RERE: variants seen among roughly 807,000 people sequenced by gnomAD.
RERE encodes the protein arginine-glutamic acid dipeptide repeats.
A neutral mutation model predicts 146.1 loss-of-function variants in RERE; 40 were observed. The ratio of observed to expected loss-of-function variants is 0.27; its 90% CI spans 0.21 to 0.36. RERE has a LOEUF of 0.36. RERE is among the 10% of genes least tolerant of loss of function. The pLI is 1.00. For synonymous variants in RERE, 1,003 were observed against 866.0 expected, an observed-to-expected ratio of 1.16 and a Z score of -2.78; for missense variants, 1,933 against 2,138.7, an observed-to-expected ratio of 0.90 and a Z score of 1.90.
chr1:8,671,413 A>G (rs1638714810), intron 1 of RERE, among the ~76,000 whole-genome samples: 1 of 152,206 alleles, frequency 6.6e-6, no homozygotes, highest in Non-Finnish European at 1.5e-5. Context: ...GTTACCAAAT[A>G]CTGCATTTAA....
At chr1:8,378,180 T>C (rs539490298) in intron 12 of RERE, among the ~76,000 whole-genome samples, 1 of 152,322 alleles carries the variant, frequency 6.6e-6, no homozygotes, top group East Asian at 1.9e-4. Flanking sequence ...AAAACACAAG[T>C]ACAGTACCGT....
In RERE at chr1:8,656,341, C is replaced by T; in HGVS notation, c.-44G>A. 1 of 1,572,278 alleles carries T rather than the reference C, an allele frequency of 6.4e-7. No homozygotes were observed. The highest frequency in any genetic ancestry group is 8.6e-7 in the Non-Finnish European group (1 of 1,160,512). On this transcript the variant is annotated 5_prime_UTR_variant, in exon 2 of 23. Transcript: ENST00000400908. ...TTCTGTCCTCTCACGGCTAGGCCTCCGTGAAAGGTAGACAGTAAGCCTGGG... is the reference window on the plus strand; with the variant it reads ...TTCTGTCCTCTCACGGCTAGGCCTCTGTGAAAGGTAGACAGTAAGCCTGGG...
intron 4 of RERE, among the ~76,000 whole-genome samples, chr1:8,575,776 C>T (rs1379796902): frequency 6.6e-6 from 1 of 151,764 alleles, no homozygotes; most frequent in African/African-American, 2.4e-5. Flanking sequence ...ACAGAAGGAA[C>T]CAAAATTGTG....
rs58718828 is a variant in RERE at position 8,668,924 on chromosome 1, C to CTGTGTGTGTGTGTGTGTGTGTGTG, written c.-144-12507_-144-12484dup. ...TGAATATTCTAAAATGCACTAAACT[C>CTGTGTGTGTGTGTGTGTGTGTGTG]TGTGTGTGTGTGTGTGTGTGTGTGT... On this transcript the variant is annotated intron_variant, in intron 1 of 22. Coordinates refer to ENST00000400908, the MANE Select transcript of RERE (RefSeq NM_001042681.2). Among the ~76,000 whole-genome samples the CTGTGTGTGTGTGTGTGTGTGTGTG allele has an allele frequency of 1.1e-4, 9 of 83,500 alleles. 1 individual carries two copies. Among genetic ancestry groups the CTGTGTGTGTGTGTGTGTGTGTGTG allele is most frequent in the Admixed American group, 6.3e-4 (5 of 7,934 alleles). The allele number at this position is 83,500 out of a possible 152,430, so 54.8% of individuals were successfully genotyped here.
At chr1:8,655,493 A>C (rs997831428) in intron 2 of RERE, among the ~76,000 whole-genome samples, 2 of 152,216 alleles carry the variant, frequency 1.3e-5, no homozygotes, top group African/African-American at 4.8e-5. Context: ...GGCGTGAGCC[A>C]CCATGCCTGG....
intron 12 of RERE, among the ~76,000 whole-genome samples, chr1:8,383,865 T>TAAATACAATA (rs1553159375): frequency 2.7e-5 from 4 of 148,436 alleles, no homozygotes; most frequent in Admixed American, 6.7e-5. Flanking sequence ...TCTCAAAAAA[T>TAAATACAATA]AAATAAAATA....
intron 4 of RERE, among the ~76,000 whole-genome samples, chr1:8,578,873 AT>A (rs1283512790): frequency 3.9e-5 from 6 of 152,272 alleles, no homozygotes; most frequent in African/African-American, 9.6e-5. Flanking sequence ...TATATGAAAA[AT>A]AAATACATGT....
intron 11 of RERE, among the ~76,000 whole-genome samples, chr1:8,443,184 T>A (rs1275682733): frequency 6.6e-6 from 1 of 152,154 alleles, no homozygotes; most frequent in African/African-American, 2.4e-5. Flanking sequence ...AGCTTTTGGT[T>A]GGGCGTGGTG....
chr1:8,752,763 T>C (rs1013678162), intron 1 of RERE, among the ~76,000 whole-genome samples: 1 of 152,210 alleles, frequency 6.6e-6, no homozygotes, highest in African/African-American at 2.4e-5. Flanking sequence ...AGACAGTTTG[T>C]GTTGGAAATA....
intron 1 of RERE, among the ~76,000 whole-genome samples, chr1:8,684,659 A>C (rs1639044240): frequency 6.6e-6 from 1 of 152,248 alleles, no homozygotes; most frequent in African/African-American, 2.4e-5. Context: ...ATCAAACCCA[A>C]GCACAATCTG....
At chr1:8,745,829 G>A (rs1640408004) in intron 1 of RERE, among the ~76,000 whole-genome samples, 1 of 152,128 alleles carries the variant, frequency 6.6e-6, no homozygotes, top group East Asian at 1.9e-4. Flanking sequence ...TAGCACTTTG[G>A]GAGGCTGTGG....
chr1:8,591,759 T>A (rs927045719), intron 4 of RERE, among the ~76,000 whole-genome samples: 1 of 152,172 alleles, frequency 6.6e-6, no homozygotes, highest in African/African-American at 2.4e-5. Context: ...AACTGACAGG[T>A]TCCATCACGC....
At position 8,457,360 on chromosome 1, in the gene RERE, T is replaced by C. The variant is rs180957062; in HGVS notation, c.1203+8565A>G. 8.9e-4 allele frequency among the ~76,000 whole-genome samples: 136 copies of C among 152,258 alleles called. 1 individual carries two copies. Among genetic ancestry groups the C allele is most frequent in the African/African-American group, 3.2e-3 (132 of 41,538 alleles). ...AGCTCAGTACTTTGCCTCATAAATG[T>C]GGAAAACACACTAGAATTCACCTAT... On this transcript the variant is annotated intron_variant, in intron 11 of 22. Coordinates refer to ENST00000400908, the MANE Select transcript of RERE (RefSeq NM_001042681.2).
At chr1:8,583,124 C>T (rs1045477273) in intron 4 of RERE, among the ~76,000 whole-genome samples, 6 of 152,146 alleles carry the variant, frequency 3.9e-5, no homozygotes, top group Admixed American at 1.3e-4. Context: ...CAAGTGTCTG[C>T]GGTCCTGGGG....
chr1:8,767,800 T>C (rs1640876579), intron 1 of RERE, among the ~76,000 whole-genome samples: 1 of 151,608 alleles, frequency 6.6e-6, no homozygotes, highest in South Asian at 2.1e-4. Context: ...TCATCTCTAC[T>C]AAAAATAAAA....
chr1:8,597,393 CT>C (rs1253178151), intron 4 of RERE, among the ~76,000 whole-genome samples: 27 of 152,252 alleles, frequency 1.8e-4, no homozygotes, highest in Admixed American at 1.4e-3. Flanking sequence ...TGCCCAGCCC[CT>C]GATGCTAATT....
At chr1:8,531,765 T>G (rs1645657365) in intron 7 of RERE, among the ~76,000 whole-genome samples, 1 of 152,200 alleles carries the variant, frequency 6.6e-6, no homozygotes, top group African/African-American at 2.4e-5. Flanking sequence ...CCCTCCCCAA[T>G]TATTACAGAG....
intron 3 of RERE, among the ~76,000 whole-genome samples, chr1:8,620,604 A>G (rs904286295): frequency 3.7e-4 from 57 of 152,186 alleles, no homozygotes; most frequent in Non-Finnish European, 1.8e-4. Context: ...ATGCCAGGCC[A>G]CAAGGATCAC....
At chr1:8,607,320 A>G (rs1646727809) in intron 4 of RERE, among the ~76,000 whole-genome samples, 1 of 150,480 alleles carries the variant, frequency 6.6e-6, no homozygotes, top group Admixed American at 6.6e-5. Flanking sequence ...TTATCAGGCC[A>G]CTGCACTCCA....
Sources: gnomAD v4.1 joint callset for allele counts (sites outside exome capture counted in the v4.1 genomes callset) on GRCh38, gnomAD v4.1.1 for gene constraint, MANE v1.5 for transcripts, NCBI Gene and HGNC (gene_info 2026-07-23, HGNC 2026-07-21) for gene names.